Variants in USP34 observed in about 807,000 individuals in gnomAD.
USP34 encodes ubiquitin specific peptidase 34, also known as ubiquitin carboxyl-terminal hydrolase 34.
In USP34, 70 loss-of-function variants were observed where a neutral mutation model predicts 460.3. The observed-to-expected ratio is 0.15, with a 90% CI of 0.13 to 0.19. The LOEUF is 0.19. Among genes scored for constraint, USP34 ranks in the 10% least tolerant of loss-of-function variants. The pLI is 1.00. For synonymous variants in USP34, 1,647 were observed against 1,405.3 expected, an observed-to-expected ratio of 1.17 and a Z score of -3.85; for missense variants, 3,985 against 4,236.2, an observed-to-expected ratio of 0.94 and a Z score of 1.65.
intron 67 of USP34, among the ~76,000 whole-genome samples, chr2:61,216,372 G>A (rs903799890): frequency 7.9e-5 from 12 of 152,002 alleles, no homozygotes; most frequent in East Asian, 3.9e-4. Flanking sequence ...AGGCCAAGGC[G>A]GGCGGATCAC....
chr2:61,268,603 A>C (rs529741297), intron 41 of USP34, among the ~76,000 whole-genome samples: 1 of 152,200 alleles, frequency 6.6e-6, no homozygotes, highest in East Asian at 1.9e-4. Context: ...GTATTCCCTT[A>C]TAACACCGCA....
At chr2:61,241,337 C>T (rs1688252512) in intron 53 of USP34, among the ~76,000 whole-genome samples, 1 of 152,184 alleles carries the variant, frequency 6.6e-6, no homozygotes, top group South Asian at 2.1e-4. Context: ...TCACCACACC[C>T]AGTCGCCTAC....
intron 41 of USP34, among the ~76,000 whole-genome samples, chr2:61,271,173 C>G (rs762056106): frequency 6.6e-6 from 1 of 151,990 alleles, no homozygotes; most frequent in Non-Finnish European, 1.5e-5. Flanking sequence ...TGGTGACACA[C>G]GCCTGTAATC....
At chr2:61,387,922 T>C (rs930739310) in intron 5 of USP34, among the ~76,000 whole-genome samples, 1 of 136,246 alleles carries the variant, frequency 7.3e-6, no homozygotes, top group African/African-American at 3.0e-5. Context: ...TGTAAAAATA[T>C]ATTTATACAC....
rs777789092 is a variant in USP34, at chr2:61,343,926, A to G, written c.2389T>C (p.Ser797Pro). Residue 797 changes from serine to proline, a missense_variant, in exon 16 of 80, where the codon TCT becomes CCT. Around this residue, in one of 14 missense-constraint regions of USP34, gnomAD observed 716 missense variants for 626.2 expected, o/e 1.14. Coordinates refer to ENST00000398571, the MANE Select transcript of USP34 (RefSeq NM_014709.4). Reference protein sequence around the residue: ...KNMADFDGEESGCEEELVQIN... With the variant: ...KNMADFDGEEPGCEEELVQIN... ...TGAACTAGCTCCTCTTCACATCCAG[A>G]TTCTTCACCATCAAAATCAGCCATA... 6.2e-7 allele frequency: 1 copy of G among 1,613,952 alleles called. No individual in the cohort carries two copies. Among genetic ancestry groups the G allele is most frequent in the Admixed American group, 1.7e-5 (1 of 60,014 alleles).
intron 1 of USP34, among the ~76,000 whole-genome samples, chr2:61,440,721 T>C (rs920981672): frequency 1.3e-5 from 2 of 151,752 alleles, no homozygotes; most frequent in Non-Finnish European, 2.9e-5. Flanking sequence ...TTTCGCCATG[T>C]TGGCCAGGCT....
At chr2:61,387,799 T>C (rs1693206787) in intron 5 of USP34, among the ~76,000 whole-genome samples, 2 of 147,574 alleles carry the variant, frequency 1.4e-5, no homozygotes, top group Admixed American at 6.8e-5. Flanking sequence ...CATGTAAAAA[T>C]ATATTTTACG....
At chr2:61,467,620 T>TTG (rs1558612980) in intron 1 of USP34, among the ~76,000 whole-genome samples, 2 of 141,650 alleles carry the variant, frequency 1.4e-5, no homozygotes, top group Non-Finnish European at 3.1e-5. Context: ...TAACTTTGTT[T>TTG]TTTTTTTTTT....
At chr2:61,231,059 CA>C (rs983977517) in intron 58 of USP34, among the ~76,000 whole-genome samples, 31 of 151,824 alleles carry the variant, frequency 2.0e-4, no homozygotes, top group Admixed American at 7.9e-4. Flanking sequence ...AACTATTTGG[CA>C]AAAAAAGAAA....
chr2:61,380,511 C>G, intron 6 of USP34, 150 bp from the exon 7 acceptor site: 2 of 731,710 alleles, frequency 2.7e-6, no homozygotes, highest in Non-Finnish European at 4.3e-6. Context: ...CCTGCCTAAT[C>G]TCTTTGGCAG....
At chr2:61,367,420 C>T (rs1692475119) in intron 10 of USP34, among the ~76,000 whole-genome samples, 1 of 152,190 alleles carries the variant, frequency 6.6e-6, no homozygotes, top group African/African-American at 2.4e-5. Context: ...TTCAAGGCTG[C>T]AATGAGCTAA....
intron 1 of USP34, among the ~76,000 whole-genome samples, chr2:61,429,613 CCT>C (rs928715725): frequency 3.3e-5 from 5 of 151,398 alleles, no homozygotes; most frequent in African/African-American, 1.2e-4. Flanking sequence ...GGCAAGACTA[CCT>C]CAAAAAAAAA....
At chr2:61,387,713 ATT>A (rs925693743) in intron 5 of USP34, among the ~76,000 whole-genome samples, 5 of 147,882 alleles carry the variant, frequency 3.4e-5, no homozygotes, top group East Asian at 3.9e-4. Context: ...GTAAAAATAT[ATT>A]TTTACGTATA....
intron 1 of USP34, among the ~76,000 whole-genome samples, chr2:61,468,622 T>G (rs1316535819): frequency 6.6e-6 from 1 of 152,244 alleles, no homozygotes; most frequent in Non-Finnish European, 1.5e-5. Flanking sequence ...AAATCCTTAC[T>G]TGTTCATTAG....
At chr2:61,468,052 TCAA>T (rs567466974) in intron 1 of USP34, among the ~76,000 whole-genome samples, 96 of 152,194 alleles carry the variant, frequency 6.3e-4, no homozygotes, top group South Asian at 4.4e-3. Context: ...ATAATCTACT[TCAA>T]CAAGTTTTAT....
chr2:61,445,902 C>T (rs1460788127), intron 1 of USP34, among the ~76,000 whole-genome samples: 2 of 149,922 alleles, frequency 1.3e-5, no homozygotes, highest in African/African-American at 2.5e-5. Flanking sequence ...GAGCTGCGAT[C>T]GTGCCACTGC....
At chr2:61,212,077 C>T in intron 68 of USP34, 148 bp from the exon 69 acceptor site, 2 of 1,147,688 alleles carry the variant, frequency 1.7e-6, no homozygotes, top group Non-Finnish European at 2.3e-6. Flanking sequence ...AAATCAGTAA[C>T]AAATTCTATT....
In USP34 at chr2:61,456,624, C is replaced by A. The variant is rs147656983; in HGVS notation, c.43+14026G>T. On this transcript the variant is annotated intron_variant, in intron 1 of 79. Coordinates refer to ENST00000398571, the MANE Select transcript of USP34 (RefSeq NM_014709.4). ...TTGAGCCCAGGAGTTGGAGACCAGC[C>A]TGGGAAACATGGTGAAACCCCATCT... Among the ~76,000 whole-genome samples, 19 of 152,052 alleles carry A rather than the reference C, an allele frequency of 1.2e-4. 1 individual carries two copies. In the East Asian group the frequency reaches 2.9e-3, roughly 23 times the overall value.
intron 2 of USP34, among the ~76,000 whole-genome samples, chr2:61,414,140 A>G (rs1694128213): frequency 6.6e-6 from 1 of 152,098 alleles, no homozygotes; most frequent in Middle Eastern, 3.4e-3. Flanking sequence ...CTGTAGTCCC[A>G]GCTACTCGGG....
Sources: gnomAD v4.1 joint callset for allele counts (sites outside exome capture counted in the v4.1 genomes callset) on GRCh38, gnomAD v4.1.1 for gene constraint, gnomAD v4.1.1 regional missense constraint, MANE v1.5 for transcripts, NCBI Gene and HGNC (gene_info 2026-07-23, HGNC 2026-07-21) for gene names.